GRIK4: variants seen among roughly 807,000 people sequenced by gnomAD.
GRIK4 encodes the protein glutamate receptor ionotropic, kainate 4.
A neutral mutation model predicts 104.9 loss-of-function variants in GRIK4; 40 were observed. The ratio of observed to expected loss-of-function variants is 0.38; its 90% confidence interval spans 0.30 to 0.50. The LOEUF is 0.50. Among genes scored for constraint, GRIK4 ranks in the 20% least tolerant of loss-of-function variants. The pLI is 0.93. For missense variants in GRIK4, 1,047 were observed against 1,308.1 expected (o/e 0.80, Z 3.08); for synonymous variants, 485 against 524.9 (o/e 0.92, Z 1.04).
intron 3 of GRIK4, among the ~76,000 whole-genome samples, chr11:120,713,948 A>G (rs1242220556): frequency 1.3e-5 from 2 of 152,194 alleles, no homozygotes; most frequent in East Asian, 3.8e-4. Flanking sequence ...GGCTGGAATC[A>G]GGTCTTGTGC....
At chr11:120,871,579 T>C (rs745701912) in intron 9 of GRIK4, 1 of 456,288 alleles carries the variant, frequency 2.2e-6, no homozygotes, top group South Asian at 1.5e-5. Flanking sequence ...TGCTTAGTCT[T>C]CGGGTTCCAG....
At chr11:120,566,479 C>T (rs4278519) in intron 1 of GRIK4, among the ~76,000 whole-genome samples, 68,292 of 151,852 alleles carry the variant, frequency 0.45, 16,442 homozygotes, top group African/African-American at 0.62. Context: ...GGCCAGCCTA[C>T]GATGTGGTTT....
At position 120,862,075 on chromosome 11, in the gene GRIK4, G is replaced by T; in HGVS notation, c.861G>T (p.Gln287His). 2 of 1,614,196 alleles carry T rather than the reference G, an allele frequency of 1.2e-6. No homozygotes were observed. Among genetic ancestry groups the T allele is most frequent in the Non-Finnish European group, 1.7e-6 (2 of 1,180,010 alleles). ...FFQEFAQSLN[Q>H]SWQENCDHVP... ...AAGAGTTTGCCCAGAGCCTCAACCA[G>T]TCCTGGCAGGAGAACTGTGACCATG... Residue 287 changes from glutamine to histidine, a missense_variant, in exon 9 of 21, where the codon CAG (glutamine) becomes CAT (histidine). By Grantham distance (24) the Gln-to-His change is conservative. Coordinates refer to ENST00000527524, the MANE Select transcript of GRIK4 (RefSeq NM_014619.5).
At chr11:120,641,920 A>G (rs1431458908) in intron 1 of GRIK4, among the ~76,000 whole-genome samples, 1 of 152,162 alleles carries the variant, frequency 6.6e-6, no homozygotes, top group Non-Finnish European at 1.5e-5. Context: ...GCTGATTCCA[A>G]CATTGTTTGG....
At chr11:120,789,139 G>C (rs1425531879) in intron 3 of GRIK4, among the ~76,000 whole-genome samples, 2 of 152,030 alleles carry the variant, frequency 1.3e-5, no homozygotes, top group Non-Finnish European at 2.9e-5. Flanking sequence ...TTATCACCCT[G>C]ACCCTGGGGA....
At chr11:120,674,009 A>G (rs1950061442) in intron 3 of GRIK4, among the ~76,000 whole-genome samples, 1 of 152,162 alleles carries the variant, frequency 6.6e-6, no homozygotes, top group Non-Finnish European at 1.5e-5. Context: ...CTTCGGGGCC[A>G]TACAGAACAG....
intron 3 of GRIK4, among the ~76,000 whole-genome samples, chr11:120,684,150 C>A (rs2135293743): frequency 6.6e-6 from 1 of 152,080 alleles, no homozygotes. Flanking sequence ...CATAGGGAGA[C>A]CCTGGCTCTA....
At chr11:120,542,608 C>G (rs1454132355) in intron 1 of GRIK4, among the ~76,000 whole-genome samples, 1 of 152,138 alleles carries the variant, frequency 6.6e-6, no homozygotes, top group Non-Finnish European at 1.5e-5. Flanking sequence ...AACTTCACAG[C>G]AAAATAACAA....
intron 1 of GRIK4, among the ~76,000 whole-genome samples, chr11:120,560,336 G>A (rs993813896): frequency 6.6e-6 from 1 of 152,060 alleles, no homozygotes; most frequent in African/African-American, 2.4e-5. Context: ...ACAGGAGTGA[G>A]CCACTGTGCC....
In GRIK4 at chr11:120,808,507, C is replaced by T. The variant is rs1031479278; in HGVS notation, c.247+5650C>T. On this transcript the variant is annotated intron_variant, in intron 4 of 20. Coordinates refer to ENST00000527524, the MANE Select transcript of GRIK4 (RefSeq NM_014619.5). ...GACCAGGTGAAGGCTTTGCGTGATA[C>T]GCTGTTGGTGAGGAGAGGCGATGGC... is the stretch of plus-strand genomic sequence containing the variant. Among the ~76,000 whole-genome samples, 7 of 152,136 alleles carry T rather than the reference C, an allele frequency of 4.6e-5. No individual in the cohort carries two copies. The East Asian group carries it at 5.8e-4, about 13-fold the overall frequency.
At chr11:120,519,563 A>G (rs563818910) in intron 1 of GRIK4, among the ~76,000 whole-genome samples, 39 of 152,350 alleles carry the variant, frequency 2.6e-4, no homozygotes, top group African/African-American at 8.7e-4. Context: ...ATTGTTTACC[A>G]GCTACCCAGT....
At chr11:120,599,781 A>G (rs909078261) in intron 1 of GRIK4, among the ~76,000 whole-genome samples, 2 of 152,254 alleles carry the variant, frequency 1.3e-5, no homozygotes, top group Non-Finnish European at 2.9e-5. Context: ...AAAAGGCAGT[A>G]GGAGCTACAA....
intron 7 of GRIK4, among the ~76,000 whole-genome samples, chr11:120,832,787 T>C (rs1953463842): frequency 1.3e-5 from 2 of 152,084 alleles, no homozygotes. Context: ...GTCGGGAGCC[T>C]AGGGGCCCCA....
intron 1 of GRIK4, among the ~76,000 whole-genome samples, chr11:120,649,986 T>TC (rs1469857620): frequency 1.3e-5 from 2 of 152,112 alleles, no homozygotes; most frequent in African/African-American, 4.8e-5. Context: ...GGAGCGCATG[T>TC]CCCCCAGGGC....
chr11:120,633,782 C>T (rs1949361539), intron 1 of GRIK4, among the ~76,000 whole-genome samples: 1 of 152,050 alleles, frequency 6.6e-6, no homozygotes, highest in Non-Finnish European at 1.5e-5. Flanking sequence ...TGGGGGTTTG[C>T]TGGGGAGAAC....
chr11:120,986,849 T>G lies in GRIK4; in HGVS notation c.*589T>G, dbSNP rs1944764013. 6.6e-6 allele frequency: 1 copy of G among 152,218 alleles called. No individual in the cohort carries two copies. The highest frequency in any genetic ancestry group is 6.5e-5 in the Admixed American group (1 of 15,282). 9.4% of individuals were successfully genotyped at this position (152,218 alleles called of 1,614,324 possible). Reference sequence around the variant, plus strand: ...GGAATGGAAGCCTAAATAATCCCTATTTCTTCTTTTTCCTGAATTTTGGAA... The same window carrying G: ...GGAATGGAAGCCTAAATAATCCCTAGTTCTTCTTTTTCCTGAATTTTGGAA... On this transcript the variant is annotated 3_prime_UTR_variant, in exon 21 of 21. Coordinates refer to ENST00000527524, the MANE Select transcript of GRIK4 (RefSeq NM_014619.5).
chr11:120,765,369 C>T (rs758579054), intron 3 of GRIK4, among the ~76,000 whole-genome samples: 4 of 151,968 alleles, frequency 2.6e-5, no homozygotes, highest in African/African-American at 2.4e-5. Context: ...AACCTTTTAT[C>T]GAGGTTCTTA....
Position 120,967,311 on chromosome 11 carries a change from C to A in GRIK4, c.2383C>A (p.His795Asn), listed in dbSNP as rs866668506. 6.2e-7 allele frequency: 1 copy of A among 1,613,098 alleles called. No homozygotes were observed. The highest frequency in any genetic ancestry group is 2.2e-5 in the East Asian group (1 of 44,860). ...EGGKCPKEED[H>N]RAKGLGMENI... ...AGGGAAGTGCCCCAAGGAGGAAGAT[C>A]ACAGAGCTAAAGGTAAGGACGTTCA... is the stretch of plus-strand genomic sequence containing the variant. Residue 795 changes from histidine to asparagine, a missense_variant, in exon 19 of 21, where the codon CAC (histidine) becomes AAC (asparagine). His to Asn is a moderately conservative substitution (Grantham distance 68, BLOSUM62 1). Around this residue, in one of 3 missense-constraint regions of GRIK4, gnomAD observed 440 missense variants for 652.3 expected, o/e 0.67. Coordinates refer to ENST00000527524, the MANE Select transcript of GRIK4 (RefSeq NM_014619.5). This position sits in a 1 kb window ranked among gnomAD's most constrained non-coding sequence, Gnocchi z 4.2.
intron 3 of GRIK4, among the ~76,000 whole-genome samples, chr11:120,750,077 A>G (rs1393289644): frequency 6.6e-6 from 1 of 152,130 alleles, no homozygotes; most frequent in Non-Finnish European, 1.5e-5. Context: ...GTGAAGAAAC[A>G]GAGGCAGAGA....
Sources: allele counts gnomAD v4.1 joint callset (sites outside exome capture counted in the v4.1 genomes callset), GRCh38; gene constraint gnomAD v4.1.1; regional missense constraint gnomAD v4.1.1; non-coding constraint Gnocchi (gnomAD v3.1); transcripts MANE v1.5; gene names NCBI Gene and HGNC (gene_info 2026-07-23, HGNC 2026-07-21).